The following LHX6 variants were observed in gnomAD, a reference collection of about 807,000 sequenced individuals.
LHX6 encodes the protein LIM/homeobox protein Lhx6.
A neutral mutation model predicts 47.1 loss-of-function variants in LHX6; 15 were observed. That is an observed-to-expected ratio of 0.32 (90% CI 0.21 to 0.49). The LOEUF (loss-of-function observed/expected upper bound fraction) is 0.49. LHX6 is among the 20% of genes least tolerant of loss of function. The pLI is 0.99. For missense variants in LHX6, 404 were observed against 539.6 expected, an observed-to-expected ratio of 0.75 and a Z score of 2.49; for synonymous variants, 242 against 233.5, an observed-to-expected ratio of 1.04 and a Z score of -0.33.
intron 4 of LHX6, among the ~76,000 whole-genome samples, chr9:122,225,057 C>T (rs1257118841): frequency 6.6e-6 from 1 of 152,188 alleles, no homozygotes; most frequent in Non-Finnish European, 1.5e-5. Context: ...TGCCAACCTC[C>T]CCCTAGACTC....
chr9:122,225,227 G>A (rs1831043171), intron 4 of LHX6, among the ~76,000 whole-genome samples: 1 of 152,256 alleles, frequency 6.6e-6, no homozygotes, highest in African/African-American at 2.4e-5. Context: ...TAGGAAAGAT[G>A]TCTGTGGGTT....
rs1830660580 is a variant in LHX6, at chr9:122,217,977, C to A, written c.462-689G>T. Among the ~76,000 whole-genome samples the A allele has an allele frequency of 6.6e-6, 1 of 152,224 alleles. No individual in the cohort carries two copies. The highest frequency in any genetic ancestry group is 6.5e-5 in the Admixed American group (1 of 15,284). ...GCTTTGCAGTTGGCTAAGTACCCAG[C>A]AAGTCCCTCTGGAGCCTGTGACATT... On this transcript the variant is annotated intron_variant, in intron 4 of 9. Coordinates refer to ENST00000394319, the MANE Select transcript of LHX6 (RefSeq NM_014368.5). The surrounding 1 kb of genome is among the most constrained non-coding windows in gnomAD (Gnocchi z 4.9).
rs190733724 is a variant in LHX6 at position 122,204,062 on chromosome 9, C to T, written c.*698G>A. On this transcript the variant is annotated 3_prime_UTR_variant, in exon 10 of 10. Transcript: ENST00000394319. ...TGCCTCTTCTGGTCCAATATGTCACCGCCCTCTCCTTGATTTCCAAACCAA... is the reference window on the plus strand; with the variant it reads ...TGCCTCTTCTGGTCCAATATGTCACTGCCCTCTCCTTGATTTCCAAACCAA... 41 of 152,408 alleles carry T rather than the reference C, an allele frequency of 2.7e-4. No individual in the cohort carries two copies. The highest frequency in any genetic ancestry group is 8.8e-5 in the Non-Finnish European group (6 of 68,064). The allele number at this position is 152,408 out of a possible 1,614,324, so 9.4% of individuals were successfully genotyped here.
chr9:122,228,591 C>T, intron 1 of LHX6, 66 bp downstream of exon 1: 4 of 1,360,386 alleles, frequency 2.9e-6, no homozygotes, highest in Non-Finnish European at 3.8e-6. Context: ...CCTGCTCGGC[C>T]CGGCTGGGTC....
Position 122,228,729 on chromosome 9 carries a change from C to A in LHX6, c.12G>T (p.Lys4Asn). 7.7e-7 allele frequency: 1 copy of A among 1,291,684 alleles called. No individual in the cohort carries two copies. Among genetic ancestry groups the A allele is most frequent in the Admixed American group, 3.8e-5 (1 of 25,984 alleles). The allele number at this position is 1,291,684 out of a possible 1,614,324, so 80.0% of individuals were successfully genotyped here. The change falls in exon 1 of 10, where the codon AAG becomes AAT. Residue 4 changes from lysine (K) to asparagine (N), a missense_variant. By Grantham distance (94) the Lys-to-Asn change is moderately conservative (BLOSUM62 0). Transcript: ENST00000394319. Reference sequence around the variant, plus strand: ...GCAACGCCGGGGCGGCGTTCTCATGCTTCCAGTACATGGGCCGGGGAACCT... The same window carrying A: ...GCAACGCCGGGGCGGCGTTCTCATGATTCCAGTACATGGGCCGGGGAACCT... MYW[K>N]HENAAPALPE...
intron 4 of LHX6, among the ~76,000 whole-genome samples, chr9:122,220,101 C>G (rs1830781200): frequency 6.6e-6 from 1 of 152,260 alleles, no homozygotes; most frequent in South Asian, 2.1e-4. Flanking sequence ...AAAGACTCTC[C>G]GCGCACCGCG....
At position 122,213,599 on chromosome 9, in the gene LHX6, T is replaced by C. The variant is rs1205955183; in HGVS notation, c.1054+7A>G. On this transcript the variant is annotated splice_region_variant and intron_variant, in intron 8 of 9. Transcript: ENST00000394319. This position sits in a 1 kb window ranked among gnomAD's most constrained non-coding sequence, Gnocchi z 5.5. ...GCCCAGCGGCTCCCGGCGCTGCGGT[T>C]ACTTACTCTCAATGTAGCCGTGCAG... 1.3e-6 allele frequency: 2 copies of C among 1,566,722 alleles called. No individual in the cohort carries two copies. The highest frequency in any genetic ancestry group is 1.7e-6 in the Non-Finnish European group (2 of 1,157,418).
chr9:122,212,224 C>T (rs1013839239), intron 8 of LHX6, among the ~76,000 whole-genome samples: 1 of 152,140 alleles, frequency 6.6e-6, no homozygotes, highest in African/African-American at 2.4e-5. Context: ...AGCTAAGAAA[C>T]TCACCCACTG....
chr9:122,211,424 G>A (rs754467311), intron 8 of LHX6, among the ~76,000 whole-genome samples: 20 of 152,096 alleles, frequency 1.3e-4, no homozygotes, highest in Non-Finnish European at 2.1e-4. Context: ...TTCCAAGCTC[G>A]AAGCCTCCAG....
chr9:122,214,154 C>T lies in LHX6; in HGVS notation c.784-85G>A. ...ATCAGCGGCGCCAGTCCACAGGCCACGCCCCAGGCAGCTGCGGCCCCGCCC... is the reference window on the plus strand; with the variant it reads ...ATCAGCGGCGCCAGTCCACAGGCCATGCCCCAGGCAGCTGCGGCCCCGCCC... On this transcript the variant is annotated intron_variant, in intron 6 of 9. Transcript: ENST00000394319. This position sits in a 1 kb window ranked among gnomAD's most constrained non-coding sequence, Gnocchi z 4.6. 6.9e-7 allele frequency: 1 copy of T among 1,445,920 alleles called. No individual in the cohort carries two copies. Among genetic ancestry groups the T allele is most frequent in the Non-Finnish European group, 9.3e-7 (1 of 1,072,334 alleles). 89.6% of individuals were successfully genotyped at this position (1,445,920 alleles called of 1,614,324 possible). A position where few individuals can be genotyped will look rare whatever the true frequency, so the allele number is the denominator to read the frequency against.
At chr9:122,225,584 C>G (rs994982141) in intron 4 of LHX6, among the ~76,000 whole-genome samples, 2 of 152,248 alleles carry the variant, frequency 1.3e-5, no homozygotes, top group Admixed American at 1.3e-4. Flanking sequence ...ACTCAGGGCT[C>G]CGGGTGCCCA....
At chr9:122,209,181 G>A (rs536449558) in intron 9 of LHX6, among the ~76,000 whole-genome samples, 1 of 152,344 alleles carries the variant, frequency 6.6e-6, no homozygotes, top group South Asian at 2.1e-4. Flanking sequence ...CCACAGAGGA[G>A]GCCCTGCCAG....
chr9:122,213,952 G>GCC lies in LHX6; in HGVS notation c.879+20_879+21dup. The GCC allele has an allele frequency of 1.3e-5, 19 of 1,461,922 alleles. No individual in the cohort carries two copies. Among genetic ancestry groups the GCC allele is most frequent in the Non-Finnish European group, 1.6e-5 (17 of 1,055,320 alleles). 90.6% of individuals were successfully genotyped at this position (1,461,922 alleles called of 1,614,324 possible). On this transcript the variant is annotated intron_variant, in intron 7 of 9. Coordinates refer to ENST00000394319, the MANE Select transcript of LHX6 (RefSeq NM_014368.5). The surrounding 1 kb of genome is among the most constrained non-coding windows in gnomAD (Gnocchi z 5.5). ...TCCGGGGCGTGCCCGCGGTCCCCAG[G>GCC]CCCCGCCCACCCCCGTCCCACCTGG...
At chr9:122,207,631 C>T (rs1305972046) in intron 9 of LHX6, among the ~76,000 whole-genome samples, 5 of 152,160 alleles carry the variant, frequency 3.3e-5, no homozygotes, top group East Asian at 1.9e-4. Context: ...TTACGTTAGG[C>T]ACTACCATTT....
At chr9:122,222,943 G>C (rs560832401) in intron 4 of LHX6, among the ~76,000 whole-genome samples, 1 of 152,226 alleles carries the variant, frequency 6.6e-6, no homozygotes, top group South Asian at 2.1e-4. Flanking sequence ...CCTTGACCCC[G>C]GGCTTCAGGA....
chr9:122,228,806 C>T lies in LHX6; in HGVS notation c.-66G>A, dbSNP rs1370444975. On this transcript the variant is annotated 5_prime_UTR_variant, in exon 1 of 10. Transcript: ENST00000394319. ...GAGCTGCGCCGAGGGGGACCACAGC[C>T]GCAGTGGGAGCAGAGGCTGCTGCAG... 6.4e-6 allele frequency: 7 copies of T among 1,092,988 alleles called. No homozygotes were observed. Among genetic ancestry groups the T allele is most frequent in the Non-Finnish European group, 8.1e-6 (7 of 865,388 alleles). The allele number at this position is 1,092,988 out of a possible 1,614,324, so 67.7% of individuals were successfully genotyped here.
At chr9:122,209,305 G>A (rs1830309553) in intron 9 of LHX6, among the ~76,000 whole-genome samples, 2 of 152,248 alleles carry the variant, frequency 1.3e-5, no homozygotes, top group South Asian at 4.1e-4. Context: ...GAAGTGGGGT[G>A]ATGAGTGATA....
At position 122,214,890 on chromosome 9, in the gene LHX6, G is replaced by C. The variant is rs1392018117; in HGVS notation, c.683-507C>G. On this transcript the variant is annotated intron_variant, in intron 5 of 9. Transcript: ENST00000394319. This position sits in a 1 kb window ranked among gnomAD's most constrained non-coding sequence, Gnocchi z 4.6. ...GTGTTGGCAGTGGTTTACTTCCCAGGAATGTGATTATGGAAACTTTTTACT... is the reference window on the plus strand; with the variant it reads ...GTGTTGGCAGTGGTTTACTTCCCAGCAATGTGATTATGGAAACTTTTTACT... Among the ~76,000 whole-genome samples, 1 of 152,176 alleles carries C rather than the reference G, an allele frequency of 6.6e-6. No homozygotes were observed. The highest frequency in any genetic ancestry group is 1.5e-5 in the Non-Finnish European group (1 of 68,024).
chr9:122,228,433 C>T (rs1831201488), intron 1 of LHX6: 1 of 1,460,036 alleles, frequency 6.8e-7, no homozygotes, highest in Non-Finnish European at 9.0e-7. Context: ...TTTACTAAAT[C>T]GCTTTTTGAG....
Sources: gnomAD v4.1 joint callset for allele counts (sites outside exome capture counted in the v4.1 genomes callset) on GRCh38, gnomAD v4.1.1 for gene constraint, Gnocchi (gnomAD v3.1) non-coding constraint, MANE v1.5 for transcripts, NCBI Gene and HGNC (gene_info 2026-07-23, HGNC 2026-07-21) for gene names.